GZF1: variants seen among roughly 807,000 people sequenced by gnomAD.
GZF1 encodes GDNF-inducible zinc finger protein 1.
A neutral mutation model predicts 49.4 loss-of-function variants in GZF1; 28 were observed. That is an observed-to-expected ratio of 0.57 (90% CI 0.42 to 0.78). The LOEUF is 0.78. Among genes scored for constraint, GZF1 ranks in the 30% least tolerant of loss-of-function variants. The pLI is 0.00. For synonymous variants in GZF1, 364 were observed against 356.0 expected (o/e 1.02, Z -0.25); for missense variants, 798 against 916.2 (o/e 0.87, Z 1.67).
intron 4 of GZF1, 36 bp downstream of exon 4, chr20:23,368,965 T>A: frequency 6.5e-7 from 1 of 1,531,738 alleles, no homozygotes. Flanking sequence ...GGAGTTTAGT[T>A]TGGCCAAAAA....
In GZF1 at chr20:23,370,412, C is replaced by T. The variant is rs573434420; in HGVS notation, c.2107C>T (p.Gln703Ter). The change falls in exon 6 of 6, where the codon CAG becomes TAG. Residue 703 changes from glutamine (Q) to a stop codon, truncating the protein, a stop_gained. Coordinates refer to ENST00000338121, the MANE Select transcript of GZF1 (RefSeq NM_022482.5). LOFTEE classifies it high-confidence loss of function. ...LTPQTDSMPT[Q>*]LHSLSNME ...CCCACAGACAGACTCGATGCCCACA[C>T]AGCTTCACTCTTTGAGCAACATGGA... 4 of 1,612,884 alleles carry T rather than the reference C, an allele frequency of 2.5e-6. No homozygotes were observed. In the Admixed American group the frequency reaches 6.7e-5, roughly 27 times the overall value.
At chr20:23,363,633 T>A (rs1980950375) in intron 1 of GZF1, among the ~76,000 whole-genome samples, 1 of 152,210 alleles carries the variant, frequency 6.6e-6, no homozygotes, top group South Asian at 2.1e-4. Flanking sequence ...TTGGCCTATG[T>A]GTGGGAAACC....
At position 23,368,843 on chromosome 20, in the gene GZF1, C is replaced by T. The variant is rs1981717185; in HGVS notation, c.1541C>T (p.Thr514Ile). Reference protein sequence around the residue: ...EYLKHHNRIHTGSKPFKCEVC... With the variant: ...EYLKHHNRIHIGSKPFKCEVC... ...TTAAAACACCACAATAGAATCCATA[C>T]TGGATCCAAACCCTTTAAATGTGAA... Residue 514 changes from threonine (T) to isoleucine (I), a missense_variant, in exon 4 of 6, where the codon ACT becomes ATT. Physicochemically the swap from Thr to Ile is moderately conservative, Grantham distance 89. Coordinates refer to ENST00000338121, the MANE Select transcript of GZF1 (RefSeq NM_022482.5). 1 of 1,613,550 alleles carries T rather than the reference C, an allele frequency of 6.2e-7. No homozygotes were observed.
intron 2 of GZF1, among the ~76,000 whole-genome samples, chr20:23,366,194 T>A (rs1981359074): frequency 6.6e-6 from 1 of 152,238 alleles, no homozygotes. Flanking sequence ...AGGAGTGCCA[T>A]CTAGGCAGTC....
chr20:23,370,686 CTT>C lies in GZF1; in HGVS notation c.*246_*247del. 2 of 502,720 alleles carry C rather than the reference CTT, an allele frequency of 4.0e-6. No homozygotes were observed. Among genetic ancestry groups the C allele is most frequent in the South Asian group, 4.6e-5 (2 of 43,254 alleles). The allele number at this position is 502,720 out of a possible 1,614,324, so 31.1% of individuals were successfully genotyped here. A position where few individuals can be genotyped will look rare whatever the true frequency, so the allele number is the denominator to read the frequency against. On this transcript the variant is annotated 3_prime_UTR_variant, in exon 6 of 6. Coordinates refer to ENST00000338121, the MANE Select transcript of GZF1 (RefSeq NM_022482.5). ...CAAAAAGGCAGTGAACATAACCTCA[CTT>C]AATTCTGGTGTAGGGTGTATGTGCT...
chr20:23,370,265 C>T lies in GZF1; in HGVS notation c.1960C>T (p.Gln654Ter), dbSNP rs1161593345. Residue 654 changes from glutamine to a stop codon, truncating the protein, a stop_gained, in exon 6 of 6, where the codon CAA (glutamine) becomes TAA (stop). Transcript: ENST00000338121. LOFTEE classifies it low-confidence loss of function (END_TRUNC). The part of the protein sequence containing the change: ...NGHFHNLAAV[Q>*]DTVPTMQENS... ...CCATTTCCACAACCTGGCTGCAGTCCAAGACACTGTACCTACCATGCAGGA... is the reference window on the plus strand; with the variant it reads ...CCATTTCCACAACCTGGCTGCAGTCTAAGACACTGTACCTACCATGCAGGA... 6.8e-6 allele frequency: 11 copies of T among 1,614,150 alleles called. No individual in the cohort carries two copies. The highest frequency in any genetic ancestry group is 9.3e-6 in the Non-Finnish European group (11 of 1,180,024).
chr20:23,367,987 A>T (rs557825814), intron 3 of GZF1, among the ~76,000 whole-genome samples: 1 of 152,362 alleles, frequency 6.6e-6, no homozygotes, highest in East Asian at 1.9e-4. Context: ...CATCTGTGTG[A>T]TTAGACACCA....
At position 23,370,385 on chromosome 20, in the gene GZF1, AC is replaced by A; in HGVS notation, c.2084del (p.Pro695HisfsTer13). ...ATTISELSELTPQTDSMPTQL... is the reference protein window; with the variant it reads ...ATTISELSELXPQTDSMPTQL... ...CACCATCAGTGAGCTTAGCGAGCTG[AC>A]CCCACAGACAGACTCGATGCCCACA... On this transcript the variant is annotated frameshift_variant, in exon 6 of 6. Transcript: ENST00000338121. LOFTEE classifies it high-confidence loss of function. 3 of 1,613,932 alleles carry A rather than the reference AC, an allele frequency of 1.9e-6. No individual in the cohort carries two copies. Among genetic ancestry groups the A allele is most frequent in the Non-Finnish European group, 2.5e-6 (3 of 1,179,956 alleles).
chr20:23,361,857 C>A (rs907292475), upstream of GZF1, among the ~76,000 whole-genome samples: 1 of 152,226 alleles, frequency 6.6e-6, no homozygotes, highest in Non-Finnish European at 1.5e-5. Context: ...AAAGTGACCA[C>A]GCGAATCTGA....
chr20:23,361,239 A>G (rs1568579022), upstream of GZF1, among the ~76,000 whole-genome samples: 1 of 152,238 alleles, frequency 6.6e-6, no homozygotes, highest in African/African-American at 2.4e-5. Flanking sequence ...GGACAGCATG[A>G]CCTGGCAAAG....
chr20:23,365,348 G>A lies in GZF1; in HGVS notation c.965G>A (p.Cys322Tyr). Residue 322 changes from cysteine to tyrosine, a missense_variant, in exon 2 of 6, where the codon TGC (cysteine) becomes TAC (tyrosine). Cys to Tyr is a radical substitution (Grantham distance 194). Coordinates refer to ENST00000338121, the MANE Select transcript of GZF1 (RefSeq NM_022482.5). ...AAGAGCAACTTTAAGTGCAGCATTT[G>A]CGAGAAGGCGTTTCTGTATGAGAAG... The part of the protein sequence containing the change: ...KKKSNFKCSI[C>Y]EKAFLYEKSF... 6.2e-7 allele frequency: 1 copy of A among 1,611,598 alleles called. No homozygotes were observed. Among genetic ancestry groups the A allele is most frequent in the East Asian group, 2.2e-5 (1 of 44,822 alleles).
chr20:23,365,362 C>G lies in GZF1; in HGVS notation c.979C>G (p.Leu327Val), dbSNP rs760116028. Residue 327 changes from leucine to valine, a missense_variant, in exon 2 of 6, where the codon CTG becomes GTG. Leu to Val is a conservative substitution (Grantham distance 32). This residue lies in a region of GZF1 where 446 missense variants were observed against 540.1 expected (regional missense o/e 0.83). Transcript: ENST00000338121. Reference sequence around the variant, plus strand: ...GTGCAGCATTTGCGAGAAGGCGTTTCTGTATGAGAAGAGCTTCCTGAAGCA... The same window carrying G: ...GTGCAGCATTTGCGAGAAGGCGTTTGTGTATGAGAAGAGCTTCCTGAAGCA... ...FKCSICEKAF[L>V]YEKSFLKHSK... 1 of 1,612,794 alleles carries G rather than the reference C, an allele frequency of 6.2e-7. No individual in the cohort carries two copies. The highest frequency in any genetic ancestry group is 8.5e-7 in the Non-Finnish European group (1 of 1,179,260).
chr20:23,369,492 T>G, intron 4 of GZF1, 92 bp from the exon 5 acceptor site: 2 of 1,192,318 alleles, frequency 1.7e-6, no homozygotes, highest in Non-Finnish European at 2.4e-6. Context: ...TCCCAGTGGT[T>G]TGCAACAGCA....
rs764382578 is a variant in GZF1, at chr20:23,370,078, G to GTT, written c.1786-11_1786-10dup. The GTT allele has an allele frequency of 6.2e-7, 1 of 1,604,416 alleles. No individual in the cohort carries two copies. Among genetic ancestry groups the GTT allele is most frequent in the East Asian group, 2.2e-5 (1 of 44,840 alleles). ...ACACATTCAGTGACCTTTGTTTTGT[G>GTT]TTTAACTTATAGATACACGATAAGA... On this transcript the variant is annotated splice_polypyrimidine_tract_variant and intron_variant, in intron 5 of 5. Transcript: ENST00000338121.
intron 3 of GZF1, 138 bp from the exon 4 acceptor site, chr20:23,368,624 T>C: frequency 2.1e-6 from 1 of 473,340 alleles, no homozygotes; most frequent in East Asian, 3.4e-5. Context: ...TATTTTATGA[T>C]AGTTTTTACT....
chr20:23,368,962 A>C, intron 4 of GZF1, 33 bp downstream of exon 4: 6 of 1,536,458 alleles, frequency 3.9e-6, no homozygotes, highest in Non-Finnish European at 5.3e-6. Context: ...AAGGGAGTTT[A>C]GTTTGGCCAA....
In GZF1 at chr20:23,364,277, C is replaced by T. The variant is rs550454316; in HGVS notation, c.-21-86C>T. The T allele has an allele frequency of 5.5e-6, 4 of 733,710 alleles. No individual in the cohort carries two copies. The African/African-American group carries it at 7.0e-5, about 13-fold the overall frequency. The allele number at this position is 733,710 out of a possible 1,614,324, so 45.4% of individuals were successfully genotyped here. A position where few individuals can be genotyped will look rare whatever the true frequency, so the allele number is the denominator to read the frequency against. On this transcript the variant is annotated intron_variant, in intron 1 of 5. Transcript: ENST00000338121. ...GCTAGGTTGTTAATGAGTCTATATC[C>T]TCTCAAGTACTGAAGGAATCCTCAT...
chr20:23,361,540 C>G (rs527471228), upstream of GZF1, among the ~76,000 whole-genome samples: 5 of 152,308 alleles, frequency 3.3e-5, no homozygotes, highest in East Asian at 7.7e-4. Context: ...CCTGGCGCGC[C>G]GAGCCCCCCA....
chr20:23,370,235 A>G lies in GZF1; in HGVS notation c.1930A>G (p.Asn644Asp). 1 of 1,614,216 alleles carries G rather than the reference A, an allele frequency of 6.2e-7. No homozygotes were observed. The highest frequency in any genetic ancestry group is 1.3e-5 in the African/African-American group (1 of 75,052). The stretch of plus-strand genomic sequence containing the variant: ...GGATAAATTGCTGTCTTTTGCAGAA[A>G]ATGGCCATTTCCACAACCTGGCTGC... ...LSDKLLSFAE[N>D]GHFHNLAAVQ... The change falls in exon 6 of 6, where the codon AAT becomes GAT. Residue 644 changes from asparagine (N) to aspartate (D), a missense_variant. By Grantham distance (23) the Asn-to-Asp change is conservative. Transcript: ENST00000338121.
Sources: allele counts gnomAD v4.1 joint callset (sites outside exome capture counted in the v4.1 genomes callset), GRCh38; gene constraint gnomAD v4.1.1; regional missense constraint gnomAD v4.1.1; transcripts MANE v1.5; gene names NCBI Gene and HGNC (gene_info 2026-07-23, HGNC 2026-07-21).